Variants in CARM1 observed in about 807,000 individuals in gnomAD.
CARM1 encodes coactivator associated arginine methyltransferase 1.
In CARM1, 14 loss-of-function variants were observed where a neutral mutation model predicts 72.7. The ratio of observed to expected loss-of-function variants is 0.19; its 90% CI spans 0.13 to 0.30. CARM1 has a LOEUF of 0.30. CARM1 is among the 10% of genes least tolerant of loss of function. The pLI, the probability that CARM1 is intolerant of heterozygous loss-of-function variation, is 1.00. For missense variants in CARM1, 432 were observed against 833.7 expected, an observed-to-expected ratio of 0.52 and a Z score of 5.93; for synonymous variants, 333 against 345.5, an observed-to-expected ratio of 0.96 and a Z score of 0.40.
At chr19:10,888,828 C>T (rs1451050867) in intron 1 of CARM1, among the ~76,000 whole-genome samples, 4 of 152,146 alleles carry the variant, frequency 2.6e-5, no homozygotes, top group Non-Finnish European at 5.9e-5. Context: ...AGGGGGTGCC[C>T]CGTCTCTTTT....
intron 5 of CARM1, 21 bp from the exon 6 acceptor site, chr19:10,913,856 C>T: frequency 1.2e-6 from 2 of 1,605,908 alleles, no homozygotes; most frequent in Non-Finnish European, 1.7e-6. Flanking sequence ...GGGAAGCCCA[C>T]ATGGCCCTGC....
intron 1 of CARM1, among the ~76,000 whole-genome samples, chr19:10,887,702 C>G (rs1290343276): frequency 1.3e-5 from 2 of 152,356 alleles, no homozygotes; most frequent in East Asian, 3.9e-4. Context: ...CTTGGCCTCC[C>G]AAAGCACTGG....
At chr19:10,905,226 C>T in intron 2 of CARM1, 150 bp downstream of exon 2, 1 of 957,642 alleles carries the variant, frequency 1.0e-6, no homozygotes, top group Non-Finnish European at 1.5e-6. Flanking sequence ...TGCAGGTATG[C>T]CCAGAATACA....
Position 10,921,814 on chromosome 19 carries a change from C to T in CARM1, c.*57C>T. The T allele has an allele frequency of 2.0e-6, 3 of 1,515,818 alleles. No individual in the cohort carries two copies. The highest frequency in any genetic ancestry group is 2.3e-5 in the East Asian group (1 of 43,064). 93.9% of individuals were successfully genotyped at this position (1,515,818 alleles called of 1,614,324 possible). The stretch of plus-strand genomic sequence containing the variant: ...AACCAAATGATGTCCCTGCCCGCCG[C>T]CCCCGCCGGGCGGCTTTCCCCCTTG... On this transcript the variant is annotated 3_prime_UTR_variant, in exon 16 of 16. Transcript: ENST00000327064.
chr19:10,876,324 C>G (rs1459661448), intron 1 of CARM1, among the ~76,000 whole-genome samples: 1 of 152,226 alleles, frequency 6.6e-6, no homozygotes, highest in Non-Finnish European at 1.5e-5. Flanking sequence ...CTGCGCCCGG[C>G]CAATAAATAT....
At chr19:10,877,570 G>T (rs540271751) in intron 1 of CARM1, among the ~76,000 whole-genome samples, 4 of 148,610 alleles carry the variant, frequency 2.7e-5, no homozygotes, top group Non-Finnish European at 4.5e-5. Flanking sequence ...TTACAGGCCT[G>T]TGCCACCACC....
At chr19:10,905,447 A>C (rs549077109) in intron 2 of CARM1, among the ~76,000 whole-genome samples, 2 of 152,198 alleles carry the variant, frequency 1.3e-5, no homozygotes, top group East Asian at 3.9e-4. Flanking sequence ...GAGTTTGCTC[A>C]GGGCGCAGAG....
In CARM1 at chr19:10,920,330, C is replaced by T; in HGVS notation, c.1197-106C>T. The T allele has an allele frequency of 7.4e-7, 1 of 1,356,494 alleles. No individual in the cohort carries two copies. 84.0% of individuals were successfully genotyped at this position (1,356,494 alleles called of 1,614,324 possible). A position where few individuals can be genotyped will look rare whatever the true frequency, so the allele number is the denominator to read the frequency against. ...GTCTCTGCTCCAGGGTCCCAGGGGT[C>T]CCTGGCAGAGGGGGCAGGTGCTTGG... On this transcript the variant is annotated intron_variant, in intron 10 of 15. Transcript: ENST00000327064. The surrounding 1 kb of genome is among the most constrained non-coding windows in gnomAD (Gnocchi z 5.3).
At chr19:10,873,624 GTTTTTTTTTTTTTTTTT>G (rs1169565864) in intron 1 of CARM1, among the ~76,000 whole-genome samples, 6 of 47,342 alleles carry the variant, frequency 1.3e-4, no homozygotes, top group Non-Finnish European at 1.8e-4. Context: ...TTTTAGTTTA[GTTTTTTTTTTTTTTTTT>G]TTTTTTTTTT....
Position 10,871,793 on chromosome 19 carries a change from G to A in CARM1, c.91G>A (p.Val31Met). ...GGAGPCATVS[V>M]FPGARLLTIG... ...CGCGGGGCCCTGCGCTACCGTGTCG[G>A]TGTTCCCCGGCGCCCGCCTCCTCAC... The change falls in exon 1 of 16, where the codon GTG becomes ATG. Residue 31 changes from valine (V) to methionine (M), a missense_variant. Val to Met is a conservative substitution (Grantham distance 21). Coordinates refer to ENST00000327064, the MANE Select transcript of CARM1 (RefSeq NM_199141.2). The surrounding 1 kb of genome is among the most constrained non-coding windows in gnomAD (Gnocchi z 5.6). 8.2e-7 allele frequency: 1 copy of A among 1,221,546 alleles called. No individual in the cohort carries two copies. The highest frequency in any genetic ancestry group is 1.0e-6 in the Non-Finnish European group (1 of 975,208). The allele number at this position is 1,221,546 out of a possible 1,614,324, so 75.7% of individuals were successfully genotyped here.
rs572643433 is a variant in CARM1 at position 10,920,112 on chromosome 19, G to A, written c.1196+146G>A. 22 of 668,994 alleles carry A rather than the reference G, an allele frequency of 3.3e-5. No homozygotes were observed. The highest frequency in any genetic ancestry group is 5.1e-5 in the Non-Finnish European group (20 of 388,832). The allele number at this position is 668,994 out of a possible 1,614,324, so 41.4% of individuals were successfully genotyped here. On this transcript the variant is annotated intron_variant, in intron 10 of 15. Coordinates refer to ENST00000327064, the MANE Select transcript of CARM1 (RefSeq NM_199141.2). The surrounding 1 kb of genome is among the most constrained non-coding windows in gnomAD (Gnocchi z 5.3). Reference sequence around the variant, plus strand: ...AGAGCCTGTCTCGGAGCAAGAGACTGTTGTGGGTGGGGTGTGTGTGTGTGT... The same window carrying A: ...AGAGCCTGTCTCGGAGCAAGAGACTATTGTGGGTGGGGTGTGTGTGTGTGT...
At chr19:10,892,383 G>A (rs961766609) in intron 1 of CARM1, among the ~76,000 whole-genome samples, 8 of 152,262 alleles carry the variant, frequency 5.3e-5, no homozygotes, top group African/African-American at 1.9e-4. Context: ...CGGTGCTGGA[G>A]TGGGGTTGGG....
chr19:10,918,789 A>T (rs2074217891), intron 8 of CARM1, among the ~76,000 whole-genome samples: 1 of 152,136 alleles, frequency 6.6e-6, no homozygotes. Flanking sequence ...CATGGGGAAA[A>T]GGTAGAGGCC....
At chr19:10,902,286 G>GTTTC (rs1568352003) in intron 1 of CARM1, among the ~76,000 whole-genome samples, 1 of 133,352 alleles carries the variant, frequency 7.5e-6, no homozygotes. Context: ...AATAATTGTT[G>GTTTC]TTTCTTTTTT....
chr19:10,917,363 G>C (rs187724095), intron 8 of CARM1, among the ~76,000 whole-genome samples: 2,371 of 152,180 alleles, frequency 0.016, 33 homozygotes, highest in Middle Eastern at 0.024. Flanking sequence ...TGTAGTCCCA[G>C]CTACTCAGGA....
At position 10,899,731 on chromosome 19, in the gene CARM1, T is replaced by G. The variant is rs538753892; in HGVS notation, c.221-5220T>G. On this transcript the variant is annotated intron_variant, in intron 1 of 15. Transcript: ENST00000327064. ...GTTTTCTTTTTCTTTTTCTTTTTTT[T>G]TTTTTTTGAGACGGAGTCTCACTCT... Among the ~76,000 whole-genome samples the G allele has an allele frequency of 5.3e-5, 8 of 150,972 alleles. No individual in the cohort carries two copies. In the East Asian group the frequency reaches 1.6e-3, roughly 29 times the overall value.
At position 10,913,866 on chromosome 19, in the gene CARM1, C is replaced by T. The variant is rs938605930; in HGVS notation, c.670-11C>T. On this transcript the variant is annotated splice_polypyrimidine_tract_variant and intron_variant, in intron 5 of 15. Coordinates refer to ENST00000327064, the MANE Select transcript of CARM1 (RefSeq NM_199141.2). The stretch of plus-strand genomic sequence containing the variant: ...ACGCAGGGAAGCCCACATGGCCCTG[C>T]CCGCCTGCAGGTCTTGGTGAAGAGT... 6 of 1,609,170 alleles carry T rather than the reference C, an allele frequency of 3.7e-6. No homozygotes were observed. Among genetic ancestry groups the T allele is most frequent in the Non-Finnish European group, 4.2e-6 (5 of 1,177,448 alleles).
rs528083800 is a variant in CARM1, at chr19:10,891,790, C to T, written c.221-13161C>T. ...GTGTAACATGAAAAGTCAGTCTCTC[C>T]TTCTCTCCGCACTGCCCGTGACCTG... On this transcript the variant is annotated intron_variant, in intron 1 of 15. Coordinates refer to ENST00000327064, the MANE Select transcript of CARM1 (RefSeq NM_199141.2). Among the ~76,000 whole-genome samples, 7 of 151,502 alleles carry T rather than the reference C, an allele frequency of 4.6e-5. 1 individual carries two copies. In the South Asian group the frequency reaches 1.4e-3, roughly 31 times the overall value.
chr19:10,887,968 A>G (rs549549719), intron 1 of CARM1, among the ~76,000 whole-genome samples: 85 of 152,292 alleles, frequency 5.6e-4, no homozygotes, highest in African/African-American at 2.0e-3. Flanking sequence ...CTTGGCAATG[A>G]GAGCCAGGGT....
Sources: allele counts gnomAD v4.1 joint callset (sites outside exome capture counted in the v4.1 genomes callset), GRCh38; gene constraint gnomAD v4.1.1; non-coding constraint Gnocchi (gnomAD v3.1); transcripts MANE v1.5; gene names NCBI Gene and HGNC (gene_info 2026-07-23, HGNC 2026-07-21).